Variants in KHDRBS2 observed in about 807,000 individuals in gnomAD.
KHDRBS2 encodes the protein KH domain-containing, RNA-binding, signal transduction-associated protein 2.
KHDRBS2 carries 26 observed loss-of-function variants against 44.3 expected under a neutral mutation model. The ratio of observed to expected loss-of-function variants is 0.59; its 90% CI spans 0.43 to 0.81. KHDRBS2 has a LOEUF of 0.81. KHDRBS2 is among the 40% of genes least tolerant of loss of function. The probability of loss-of-function intolerance (pLI) is 0.00; values close to 1 mark genes in which losing one functional copy is unlikely to be tolerated. For synonymous variants in KHDRBS2, 194 were observed against 151.1 expected (o/e 1.28, Z -2.08); for missense variants, 476 against 433.1 (o/e 1.10, Z -0.88).
At chr6:61,696,552 C>T (rs1468718925) in intron 8 of KHDRBS2, among the ~76,000 whole-genome samples, 11 of 152,076 alleles carry the variant, frequency 7.2e-5, no homozygotes, top group Middle Eastern at 3.4e-3. Flanking sequence ...CCACCACGCC[C>T]GGCCACATAT....
At chr6:61,870,383 C>T (rs112100832) in intron 6 of KHDRBS2, among the ~76,000 whole-genome samples, 1 of 152,154 alleles carries the variant, frequency 6.6e-6, no homozygotes, top group Non-Finnish European at 1.5e-5. Flanking sequence ...AAAAAGGCAG[C>T]AGCCTCATTC....
chr6:62,107,626 G>A (rs1345150078), intron 2 of KHDRBS2, among the ~76,000 whole-genome samples: 16 of 152,064 alleles, frequency 1.1e-4, no homozygotes, highest in Non-Finnish European at 2.2e-4. Context: ...AAAAGAGCCC[G>A]CATCGCCAAG....
chr6:61,893,571 A>C (rs1345189605), intron 6 of KHDRBS2, among the ~76,000 whole-genome samples: 2 of 152,192 alleles, frequency 1.3e-5, no homozygotes, highest in Non-Finnish European at 2.9e-5. Context: ...ATGCAGCCAT[A>C]AAAAATGATG....
chr6:62,017,466 A>AG (rs1459453396), intron 3 of KHDRBS2, among the ~76,000 whole-genome samples: 1 of 152,162 alleles, frequency 6.6e-6, no homozygotes, highest in African/African-American at 2.4e-5. Flanking sequence ...TTGTTATATG[A>AG]GAAAAAAATA....
chr6:62,124,050 A>T (rs1808365295), intron 2 of KHDRBS2, among the ~76,000 whole-genome samples: 2 of 152,224 alleles, frequency 1.3e-5, no homozygotes, highest in Non-Finnish European at 2.9e-5. Flanking sequence ...GGTTACAAGT[A>T]ACTTCAAAAT....
chr6:61,805,510 C>G (rs1374889712), intron 6 of KHDRBS2, among the ~76,000 whole-genome samples: 1 of 152,166 alleles, frequency 6.6e-6, no homozygotes, highest in Admixed American at 6.6e-5. Context: ...GCACCCTACT[C>G]TATGTGGTAC....
At chr6:61,601,408 A>C in the KHDRBS2 span, among the ~76,000 whole-genome samples, 1 of 152,012 alleles carries the variant, frequency 6.6e-6, no homozygotes, top group Non-Finnish European at 1.5e-5. Flanking sequence ...TCTGACTTAA[A>C]ATCTAAGCAT....
intron 6 of KHDRBS2, among the ~76,000 whole-genome samples, chr6:61,831,953 G>A (rs1791892129): frequency 6.6e-6 from 1 of 152,174 alleles, no homozygotes; most frequent in Non-Finnish European, 1.5e-5. Context: ...AAAAAGGAAA[G>A]TATTTTTCCT....
chr6:61,876,549 T>C (rs1050052402), intron 6 of KHDRBS2, among the ~76,000 whole-genome samples: 1 of 152,006 alleles, frequency 6.6e-6, no homozygotes, highest in African/African-American at 2.4e-5. Flanking sequence ...AGCAAGACAC[T>C]CATCTGCCTG....
chr6:61,737,859 T>C (rs1042104657), intron 6 of KHDRBS2, among the ~76,000 whole-genome samples: 2 of 151,986 alleles, frequency 1.3e-5, no homozygotes, highest in African/African-American at 4.8e-5. Context: ...AATAAAGTTG[T>C]AGAAAAAGAA....
chr6:61,600,546 G>A, the KHDRBS2 span, among the ~76,000 whole-genome samples: 3,710 of 152,010 alleles, frequency 0.024, 69 homozygotes, highest in Middle Eastern at 0.082. Context: ...GTCTCTTTTC[G>A]GACTCAGCCC....
intron 1 of KHDRBS2, among the ~76,000 whole-genome samples, chr6:62,208,423 A>G (rs1828411370): frequency 6.6e-6 from 1 of 152,262 alleles, no homozygotes; most frequent in South Asian, 2.1e-4. Context: ...GAAAAACAAC[A>G]GTAAAATATT....
At chr6:61,549,624 A>T in the KHDRBS2 span, among the ~76,000 whole-genome samples, 4 of 152,172 alleles carry the variant, frequency 2.6e-5, no homozygotes, top group Admixed American at 6.5e-5. Context: ...TATATGAAGA[A>T]AATCAGGCCA....
intron 6 of KHDRBS2, among the ~76,000 whole-genome samples, chr6:61,743,627 T>A (rs1195782126): frequency 1.3e-5 from 2 of 152,106 alleles, no homozygotes; most frequent in East Asian, 3.9e-4. Flanking sequence ...TTATTTTATT[T>A]TTTTAATTTT....
chr6:61,960,985 G>A (rs1446177026), intron 4 of KHDRBS2, among the ~76,000 whole-genome samples: 4 of 152,102 alleles, frequency 2.6e-5, no homozygotes, highest in Non-Finnish European at 4.4e-5. Flanking sequence ...TACAATTGAA[G>A]TAGTGTTCAG....
At chr6:61,572,250 C>A in the KHDRBS2 span, among the ~76,000 whole-genome samples, 2 of 152,134 alleles carry the variant, frequency 1.3e-5, no homozygotes, top group Non-Finnish European at 2.9e-5. Context: ...AAATATCCAA[C>A]TCTCCTAGAT....
chr6:61,576,774 A>G, the KHDRBS2 span, among the ~76,000 whole-genome samples: 1 of 152,284 alleles, frequency 6.6e-6, no homozygotes, highest in South Asian at 2.1e-4. Flanking sequence ...AAGTCTAAAA[A>G]TTTCATCATC....
chr6:61,826,428 T>C (rs1482919535), intron 6 of KHDRBS2, among the ~76,000 whole-genome samples: 2 of 152,124 alleles, frequency 1.3e-5, no homozygotes, highest in Non-Finnish European at 2.9e-5. Context: ...TCCTGTCTGA[T>C]AGCCAGTCTC....
chr6:62,240,662 A>ATG (rs200082850), intron 1 of KHDRBS2, among the ~76,000 whole-genome samples: 3,645 of 87,546 alleles, frequency 0.042, 283 homozygotes, highest in South Asian at 0.078. Context: ...GTGTGTATGT[A>ATG]TGTGTGTGTG....
Sources: gnomAD v4.1 joint callset for allele counts (sites outside exome capture counted in the v4.1 genomes callset) on GRCh38, gnomAD v4.1.1 for gene constraint, MANE v1.5 for transcripts, NCBI Gene and HGNC (gene_info 2026-07-23, HGNC 2026-07-21) for gene names.